The following OPALIN variants were observed in gnomAD, a reference collection of about 807,000 sequenced individuals.
OPALIN encodes the protein transmembrane protein 10.
In OPALIN, 15 loss-of-function variants were observed where a neutral mutation model predicts 17.8. That is an observed-to-expected ratio of 0.84 (90% CI 0.56 to 1.29). The LOEUF (loss-of-function observed/expected upper bound fraction) is 1.29. Ranked by LOEUF, OPALIN falls within the 50% of genes most tolerant of loss-of-function variation. The pLI, the probability that OPALIN is intolerant of heterozygous loss-of-function variation, is 0.00. For missense variants in OPALIN, 170 were observed against 176.0 expected (o/e 0.97, Z 0.19); for synonymous variants, 62 against 63.8 (o/e 0.97, Z 0.14).
intron 1 of OPALIN, among the ~76,000 whole-genome samples, chr10:96,357,681 C>T (rs535939821): frequency 3.9e-5 from 6 of 152,318 alleles, no homozygotes; most frequent in African/African-American, 7.2e-5. Context: ...GCTCCTTTCT[C>T]CCAAACTGTA....
At chr10:96,357,138 G>C in intron 1 of OPALIN, 4 of 985,450 alleles carry the variant, frequency 4.1e-6, no homozygotes, top group Non-Finnish European at 4.8e-6. Context: ...GTGCTGCAAG[G>C]ACACTGGATG....
rs190853911 is a variant in OPALIN at position 96,358,335 on chromosome 10, A to G, written c.3+559T>C. 3.4e-3 allele frequency among the ~76,000 whole-genome samples: 518 copies of G among 152,124 alleles called. 1 individual carries two copies. The highest frequency in any genetic ancestry group is 5.4e-3 in the Non-Finnish European group (364 of 68,012). On this transcript the variant is annotated intron_variant, in intron 1 of 5. Transcript: ENST00000371172. Reference sequence around the variant, plus strand: ...ATGGCAAATGGCAGGGTCTCCTCCTATTCTAAAGCTAATATTCAGTTGTAT... The same window carrying G: ...ATGGCAAATGGCAGGGTCTCCTCCTGTTCTAAAGCTAATATTCAGTTGTAT...
intron 5 of OPALIN, among the ~76,000 whole-genome samples, 153 bp from the exon 6 acceptor site, chr10:96,346,270 C>T (rs1204140567): frequency 6.6e-6 from 1 of 152,144 alleles, no homozygotes; most frequent in African/African-American, 2.4e-5. Flanking sequence ...AGACAACAGG[C>T]AAGGAGGGAC....
intron 3 of OPALIN, among the ~76,000 whole-genome samples, chr10:96,350,981 G>T (rs1308871151): frequency 6.6e-6 from 1 of 152,144 alleles, no homozygotes; most frequent in Non-Finnish European, 1.5e-5. Context: ...TTCACATGAG[G>T]AATACACCCA....
chr10:96,345,863 C>T lies in OPALIN; in HGVS notation c.*78G>A. ...GATTGATTAAGAAGCAGCTTGGCAT[C>T]TTTCCTCTCCAAGTACAAAACCCTG... On this transcript the variant is annotated 3_prime_UTR_variant, in exon 6 of 6. Transcript: ENST00000371172. 1.4e-6 allele frequency: 2 copies of T among 1,413,406 alleles called. No individual in the cohort carries two copies. Among genetic ancestry groups the T allele is most frequent in the Non-Finnish European group, 1.9e-6 (2 of 1,028,278 alleles). 87.6% of individuals were successfully genotyped at this position (1,413,406 alleles called of 1,614,324 possible).
At position 96,344,893 on chromosome 10, in the gene OPALIN, C is replaced by G. The variant is rs1845248305; in HGVS notation, c.*1048G>C. On this transcript the variant is annotated 3_prime_UTR_variant, in exon 6 of 6. Transcript: ENST00000371172. ...AATATGAAACATGAATTTCCATCAA[C>G]ATTAACATCTTTAAGGTTAAATGTA... The G allele has an allele frequency of 6.6e-6, 1 of 152,156 alleles. No individual in the cohort carries two copies. The highest frequency in any genetic ancestry group is 2.4e-5 in the African/African-American group (1 of 41,438). 9.4% of individuals were successfully genotyped at this position (152,156 alleles called of 1,614,324 possible). A position where few individuals can be genotyped will look rare whatever the true frequency, so the allele number is the denominator to read the frequency against.
At chr10:96,354,098 A>G (rs1358669266) in intron 2 of OPALIN, among the ~76,000 whole-genome samples, 1 of 152,168 alleles carries the variant, frequency 6.6e-6, no homozygotes, top group Non-Finnish European at 1.5e-5. Flanking sequence ...TAACCAGACA[A>G]CTTATCAGAA....
At chr10:96,351,993 G>T (rs934115616) in intron 2 of OPALIN, among the ~76,000 whole-genome samples, 3 of 152,174 alleles carry the variant, frequency 2.0e-5, no homozygotes, top group African/African-American at 7.2e-5. Context: ...GAAATCTAAA[G>T]GAATAAAGTT....
At chr10:96,348,219 A>G in intron 5 of OPALIN, 70 bp downstream of exon 5, 1 of 726,376 alleles carries the variant, frequency 1.4e-6, no homozygotes, top group Non-Finnish European at 2.3e-6. Flanking sequence ...TCTTTTGGTG[A>G]AAGGCTTTCA....
intron 3 of OPALIN, among the ~76,000 whole-genome samples, chr10:96,350,863 G>A (rs888073171): frequency 2.0e-5 from 3 of 152,164 alleles, no homozygotes; most frequent in African/African-American, 7.2e-5. Context: ...CTATAAAAGT[G>A]CAACTGTTAT....
chr10:96,348,495 A>G, intron 4 of OPALIN, 150 bp from the exon 5 acceptor site: 1 of 510,890 alleles, frequency 2.0e-6, no homozygotes, highest in Non-Finnish European at 3.4e-6. Flanking sequence ...ATCTAATAAC[A>G]TCACCCCTCA....
chr10:96,351,164 G>A (rs1330895038), intron 3 of OPALIN, among the ~76,000 whole-genome samples: 3 of 152,156 alleles, frequency 2.0e-5, no homozygotes, highest in Admixed American at 2.0e-4. Context: ...CACTCTTTGT[G>A]TCTGGCTTCT....
At position 96,357,076 on chromosome 10, in the gene OPALIN, T is replaced by A; in HGVS notation, c.4-1786A>T. ...GTCTGGGCCTCTTAGGTCAGGGTCCTCTTGCTCAAGGGACCTAACCACTGC... is the reference window on the plus strand; with the variant it reads ...GTCTGGGCCTCTTAGGTCAGGGTCCACTTGCTCAAGGGACCTAACCACTGC... On this transcript the variant is annotated intron_variant, in intron 1 of 5. Coordinates refer to ENST00000371172, the MANE Select transcript of OPALIN (RefSeq NM_033207.5). 4 of 985,436 alleles carry A rather than the reference T, an allele frequency of 4.1e-6. No individual in the cohort carries two copies. In the South Asian group the frequency reaches 1.9e-4, roughly 46 times the overall value. The allele number at this position is 985,436 out of a possible 1,614,324, so 61.0% of individuals were successfully genotyped here.
intron 2 of OPALIN, 84 bp from the exon 3 acceptor site, chr10:96,351,494 G>T: frequency 1.3e-5 from 10 of 781,422 alleles, no homozygotes; most frequent in Non-Finnish European, 2.0e-5. Context: ...CAAAGTTTAG[G>T]CTATAAAGCC....
chr10:96,354,983 G>T (rs1845744043), intron 2 of OPALIN, among the ~76,000 whole-genome samples: 1 of 151,552 alleles, frequency 6.6e-6, no homozygotes, highest in African/African-American at 2.4e-5. Flanking sequence ...TGTAATCCCA[G>T]CTACTCAGGA....
chr10:96,351,094 A>G (rs772098727), intron 3 of OPALIN, among the ~76,000 whole-genome samples: 85 of 152,312 alleles, frequency 5.6e-4, no homozygotes, highest in Non-Finnish European at 9.0e-4. Flanking sequence ...TCTGAAATCT[A>G]TTGCCATAGA....
At chr10:96,356,453 A>G (rs1845822543) in intron 1 of OPALIN, among the ~76,000 whole-genome samples, 1 of 152,350 alleles carries the variant, frequency 6.6e-6, no homozygotes, top group East Asian at 1.9e-4. Context: ...CCAGCAGAGG[A>G]AACTGAAACC....
intron 1 of OPALIN, chr10:96,357,218 C>A: frequency 9.5e-6 from 9 of 950,854 alleles, no homozygotes; most frequent in Non-Finnish European, 1.1e-5. Context: ...ATGTCAGCAG[C>A]CCTAAGACAA....
chr10:96,348,897 T>G (rs1405120045), intron 4 of OPALIN, among the ~76,000 whole-genome samples: 1 of 152,162 alleles, frequency 6.6e-6, no homozygotes, highest in Non-Finnish European at 1.5e-5. Context: ...CATCATCCAT[T>G]ATCTCATTTC....
Sources: gnomAD v4.1 joint callset for allele counts (sites outside exome capture counted in the v4.1 genomes callset) on GRCh38, gnomAD v4.1.1 for gene constraint, MANE v1.5 for transcripts, NCBI Gene and HGNC (gene_info 2026-07-23, HGNC 2026-07-21) for gene names.